The following SMAD9 variants were observed in gnomAD, a reference collection of about 807,000 sequenced individuals.
SMAD9 encodes the protein MAD homolog 9.
A neutral mutation model predicts 46.1 loss-of-function variants in SMAD9; 36 were observed. That is an observed-to-expected ratio of 0.78 (90% confidence interval 0.60 to 1.03). The LOEUF is 1.03. SMAD9 is among the 50% of genes least tolerant of loss of function. The pLI is 0.00. For missense variants in SMAD9, 572 were observed against 599.8 expected, an observed-to-expected ratio of 0.95 and a Z score of 0.48; for synonymous variants, 245 against 237.1, an observed-to-expected ratio of 1.03 and a Z score of -0.31.
intron 1 of SMAD9, among the ~76,000 whole-genome samples, chr13:36,903,036 C>T (rs554449033): frequency 6.6e-6 from 1 of 151,704 alleles, no homozygotes; most frequent in African/African-American, 2.4e-5. Flanking sequence ...TAAGTAATTT[C>T]TGTCAAAGAG....
intron 1 of SMAD9, among the ~76,000 whole-genome samples, chr13:36,890,983 T>C (rs2058484940): frequency 6.6e-6 from 1 of 152,150 alleles, no homozygotes; most frequent in Non-Finnish European, 1.5e-5. Flanking sequence ...TCTCATATGC[T>C]AACTCACAAG....
intron 4 of SMAD9, 66 bp downstream of exon 4, chr13:36,867,207 T>G (rs2058243465): frequency 2.8e-6 from 3 of 1,079,430 alleles, no homozygotes; most frequent in Non-Finnish European, 4.2e-6. Context: ...TTGAGTTGCT[T>G]TGTTTGGGGG....
At chr13:36,890,363 CG>C (rs771040926) in intron 1 of SMAD9, among the ~76,000 whole-genome samples, 5 of 152,102 alleles carry the variant, frequency 3.3e-5, no homozygotes, top group Admixed American at 6.5e-5. Context: ...GTTTTGAGGA[CG>C]CTTTATAACT....
At chr13:36,851,716 C>A (rs2058076218) in intron 6 of SMAD9, 1 of 972,266 alleles carries the variant, frequency 1.0e-6, no homozygotes, top group Non-Finnish European at 1.2e-6. Flanking sequence ...TACAGCTGCT[C>A]ATCTCAAATG....
In SMAD9 at chr13:36,868,899, A is replaced by C. The variant is rs907905558; in HGVS notation, c.671-1516T>G. Among the ~76,000 whole-genome samples the C allele has an allele frequency of 2.0e-5, 3 of 152,236 alleles. No individual in the cohort carries two copies. In the East Asian group the frequency reaches 5.8e-4, roughly 29 times the overall value. ...CCAACAGCTAATGAATTGATTTTTT[A>C]AAATGTGGTATAGCCATACAATGAG... On this transcript the variant is annotated intron_variant, in intron 3 of 6. Coordinates refer to ENST00000379826, the MANE Select transcript of SMAD9 (RefSeq NM_001127217.3).
Position 36,853,635 on chromosome 13 carries a change from C to CACCTG in SMAD9, c.1043_1044insCAGGT (p.Glu348AspfsTer5). The CACCTG allele has an allele frequency of 6.2e-7, 1 of 1,614,114 alleles. No homozygotes were observed. ...CAAAGATGCTGCTGTCACTCACGCA[C>CACCTG]TCGGCATACACCTCTCCCCCGACGT... On this transcript the variant is annotated frameshift_variant, in exon 6 of 7. Coordinates refer to ENST00000379826, the MANE Select transcript of SMAD9 (RefSeq NM_001127217.3). LOFTEE classifies it high-confidence loss of function.
chr13:36,865,019 C>G (rs1257392443), intron 5 of SMAD9, among the ~76,000 whole-genome samples: 3 of 152,170 alleles, frequency 2.0e-5, no homozygotes, highest in Non-Finnish European at 4.4e-5. Flanking sequence ...AGAAAAGAGA[C>G]CAGTATGACT....
chr13:36,888,420 T>A (rs1224378347), intron 1 of SMAD9, among the ~76,000 whole-genome samples: 2 of 152,186 alleles, frequency 1.3e-5, no homozygotes, highest in Non-Finnish European at 2.9e-5. Context: ...CCCAGCTATG[T>A]GAAACTGGAA....
At position 36,853,487 on chromosome 13, in the gene SMAD9, C is replaced by G. The variant is rs1490771687; in HGVS notation, c.1192G>C (p.Val398Leu). 2 of 1,614,134 alleles carry G rather than the reference C, an allele frequency of 1.2e-6. No homozygotes were observed. The highest frequency in any genetic ancestry group is 1.7e-5 in the Admixed American group (1 of 60,010). ...QLFAQLLAQS[V>L]HHGFEVVYEL... ...TACACGACTTCAAAGCCGTGGTGAA[C>G]TGACTGGGCCAGGAGCTGAGCGAAG... Residue 398 changes from valine (V) to leucine (L), a missense_variant, in exon 6 of 7, where the codon GTT becomes CTT. Transcript: ENST00000379826.
chr13:36,868,568 C>T (rs969205617), intron 3 of SMAD9, among the ~76,000 whole-genome samples: 5 of 151,984 alleles, frequency 3.3e-5, no homozygotes, highest in Non-Finnish European at 5.9e-5. Context: ...GATGAGACCC[C>T]ATCCTACCAA....
chr13:36,847,582 T>C lies in SMAD9; in HGVS notation c.*1094A>G, dbSNP rs1163249778. 4 of 152,270 alleles carry C rather than the reference T, an allele frequency of 2.6e-5. No homozygotes were observed. The highest frequency in any genetic ancestry group is 9.6e-5 in the African/African-American group (4 of 41,474). The allele number at this position is 152,270 out of a possible 1,614,324, so 9.4% of individuals were successfully genotyped here. On this transcript the variant is annotated 3_prime_UTR_variant, in exon 7 of 7. Coordinates refer to ENST00000379826, the MANE Select transcript of SMAD9 (RefSeq NM_001127217.3). ...GTTAGATAATCACTAGACACTAGGT[T>C]AAATAACTCATTGATCCAATAATGT...
intron 1 of SMAD9, among the ~76,000 whole-genome samples, chr13:36,882,496 G>A (rs1240807651): frequency 1.3e-5 from 2 of 152,056 alleles, no homozygotes; most frequent in African/African-American, 2.4e-5. Context: ...TCTGCAGACC[G>A]ATCTCACTGA....
intron 5 of SMAD9, among the ~76,000 whole-genome samples, chr13:36,856,008 C>G (rs1351989033): frequency 6.6e-6 from 1 of 152,168 alleles, no homozygotes; most frequent in Non-Finnish European, 1.5e-5. Context: ...TCCTGAATGG[C>G]CTTGGGCCCT....
At chr13:36,848,945 G>T in intron 6 of SMAD9, 126 bp from the exon 7 acceptor site, 1 of 815,764 alleles carries the variant, frequency 1.2e-6, no homozygotes, top group Admixed American at 2.4e-5. Context: ...GAGAGGGAGA[G>T]AACATGGCCT....
At chr13:36,914,687 C>G (rs929635991) in intron 1 of SMAD9, among the ~76,000 whole-genome samples, 2 of 152,136 alleles carry the variant, frequency 1.3e-5, no homozygotes, top group Non-Finnish European at 2.9e-5. Context: ...AATATTCTGC[C>G]ACAAAGTGGG....
chr13:36,852,202 A>G (rs2058080209), intron 6 of SMAD9: 1 of 852,230 alleles, frequency 1.2e-6, no homozygotes, highest in African/African-American at 1.8e-5. Context: ...CTAAAGTGAT[A>G]ATAAAAACAT....
At chr13:36,917,179 G>T (rs2058704745) in intron 1 of SMAD9, among the ~76,000 whole-genome samples, 1 of 152,122 alleles carries the variant, frequency 6.6e-6, no homozygotes, top group Non-Finnish European at 1.5e-5. Flanking sequence ...GACTCCTAAT[G>T]CTAACAGATA....
At chr13:36,901,665 T>C (rs537562407) in intron 1 of SMAD9, among the ~76,000 whole-genome samples, 2 of 152,290 alleles carry the variant, frequency 1.3e-5, no homozygotes, top group African/African-American at 2.4e-5. Flanking sequence ...TAGCCTCAAA[T>C]GATCTCCCTG....
chr13:36,917,898 ATT>A (rs1276952929), intron 1 of SMAD9, among the ~76,000 whole-genome samples: 3 of 152,226 alleles, frequency 2.0e-5, no homozygotes, highest in African/African-American at 4.8e-5. Context: ...TGGAAAACAT[ATT>A]GAGTATTTTC....
Sources: gnomAD v4.1 joint callset for allele counts (sites outside exome capture counted in the v4.1 genomes callset) on GRCh38, gnomAD v4.1.1 for gene constraint, MANE v1.5 for transcripts, NCBI Gene and HGNC (gene_info 2026-07-23, HGNC 2026-07-21) for gene names.